Variants in ATP9A observed in about 807,000 individuals in gnomAD.
ATP9A encodes ATPase phospholipid transporting 9A.
In ATP9A, 52 loss-of-function variants were observed where a neutral mutation model predicts 144.1. That is an observed-to-expected ratio of 0.36 (90% CI 0.29 to 0.45). The LOEUF is 0.45. Among genes scored for constraint, ATP9A ranks in the 20% least tolerant of loss-of-function variants. The pLI is 1.00. For synonymous variants in ATP9A, 582 were observed against 557.4 expected, an observed-to-expected ratio of 1.04 and a Z score of -0.62; for missense variants, 947 against 1,392.7, an observed-to-expected ratio of 0.68 and a Z score of 5.09.
chr20:51,757,910 A>T (rs2077863476), intron 1 of ATP9A, among the ~76,000 whole-genome samples: 1 of 152,130 alleles, frequency 6.6e-6, no homozygotes, highest in Non-Finnish European at 1.5e-5. Context: ...TCAAAAAAAA[A>T]AAAAGGTTTT....
intron 4 of ATP9A, among the ~76,000 whole-genome samples, chr20:51,699,816 T>C (rs2077586029): frequency 6.6e-6 from 1 of 151,890 alleles, no homozygotes; most frequent in African/African-American, 2.4e-5. Context: ...CTAATTTTTG[T>C]AGTTTTAGTA....
intron 4 of ATP9A, among the ~76,000 whole-genome samples, chr20:51,699,530 C>T (rs575907504): frequency 1.4e-4 from 21 of 152,214 alleles, no homozygotes; most frequent in Non-Finnish European, 2.6e-4. Flanking sequence ...TCTCTTTAAT[C>T]GGTTCCATAA....
At chr20:51,742,452 G>A (rs1157885440) in intron 1 of ATP9A, among the ~76,000 whole-genome samples, 4 of 152,084 alleles carry the variant, frequency 2.6e-5, no homozygotes, top group African/African-American at 9.7e-5. Flanking sequence ...CACTCCAGCT[G>A]GCTGCTGCAG....
chr20:51,602,787 A>G (rs779191003), intron 27 of ATP9A, among the ~76,000 whole-genome samples: 2 of 152,140 alleles, frequency 1.3e-5, no homozygotes, highest in African/African-American at 4.8e-5. Context: ...CCCCTTAAGG[A>G]ACATTTTTAG....
At chr20:51,663,051 C>T (rs1189900018) in intron 13 of ATP9A, among the ~76,000 whole-genome samples, 1 of 151,974 alleles carries the variant, frequency 6.6e-6, no homozygotes, top group African/African-American at 2.4e-5. Flanking sequence ...GCCTGGGCAA[C>T]AAGATCGAAA....
intron 2 of ATP9A, among the ~76,000 whole-genome samples, chr20:51,728,094 T>C (rs73911383): frequency 0.015 from 2,335 of 152,126 alleles, 55 homozygotes; most frequent in African/African-American, 0.051. Flanking sequence ...CAATAGGTAA[T>C]GAATGGACGT....
intron 3 of ATP9A, among the ~76,000 whole-genome samples, chr20:51,715,321 T>G (rs972100448): frequency 6.6e-6 from 1 of 152,162 alleles, no homozygotes; most frequent in African/African-American, 2.4e-5. Flanking sequence ...AAGAAACTGG[T>G]ACATTTCAGA....
chr20:51,617,070 T>A (rs2064443970), intron 22 of ATP9A, among the ~76,000 whole-genome samples: 2 of 151,562 alleles, frequency 1.3e-5, no homozygotes, highest in African/African-American at 4.8e-5. Context: ...GCCTCCCAAG[T>A]AGCTGTGATT....
chr20:51,665,530 C>A (rs929519210), intron 13 of ATP9A, among the ~76,000 whole-genome samples: 7 of 151,904 alleles, frequency 4.6e-5, no homozygotes, highest in Admixed American at 3.9e-4. Flanking sequence ...GCCAGCCTGG[C>A]CAACATGGTG....
intron 18 of ATP9A, among the ~76,000 whole-genome samples, chr20:51,623,096 G>A (rs1400184356): frequency 2.0e-5 from 3 of 152,176 alleles, no homozygotes; most frequent in East Asian, 3.9e-4. Flanking sequence ...GCAGTGAGAC[G>A]GGCAGAAGGA....
At chr20:51,718,247 T>C (rs1045757517) in intron 3 of ATP9A, among the ~76,000 whole-genome samples, 1 of 151,910 alleles carries the variant, frequency 6.6e-6, no homozygotes, top group African/African-American at 2.4e-5. Context: ...TTATGTAAGG[T>C]AAGTTATAGT....
intron 3 of ATP9A, among the ~76,000 whole-genome samples, chr20:51,723,950 C>T (rs896779646): frequency 3.3e-5 from 5 of 152,128 alleles, no homozygotes; most frequent in African/African-American, 1.2e-4. Context: ...GTGGGTGGAT[C>T]GCCTGAGGTC....
At chr20:51,710,361 C>T (rs1798119171) in intron 4 of ATP9A, among the ~76,000 whole-genome samples, 1 of 152,138 alleles carries the variant, frequency 6.6e-6, no homozygotes, top group African/African-American at 2.4e-5. Flanking sequence ...TGAATATACT[C>T]ATACATACTT....
chr20:51,631,210 C>T (rs6021332), intron 15 of ATP9A, among the ~76,000 whole-genome samples: 45,459 of 151,976 alleles, frequency 0.3, 7,092 homozygotes, highest in Non-Finnish European at 0.34. Flanking sequence ...CTTTCAAATG[C>T]CCCTTAATCA....
chr20:51,703,930 A>C (rs1281095114), intron 4 of ATP9A, among the ~76,000 whole-genome samples: 1 of 152,066 alleles, frequency 6.6e-6, no homozygotes, highest in Non-Finnish European at 1.5e-5. Flanking sequence ...CTCACACTCT[A>C]ATCTAACTGT....
chr20:51,639,587 G>T, intron 14 of ATP9A, 83 bp from the exon 15 acceptor site: 1 of 1,409,048 alleles, frequency 7.1e-7, no homozygotes, highest in African/African-American at 1.4e-5. Flanking sequence ...AAAGGCAGAA[G>T]GGGGCTCAGA....
intron 25 of ATP9A, 38 bp downstream of exon 25, chr20:51,608,480 A>G: frequency 7.6e-7 from 1 of 1,319,424 alleles, no homozygotes; most frequent in Non-Finnish European, 1.1e-6. Context: ...AAAGCAAAGG[A>G]GGAAAGGAGG....
chr20:51,624,981 G>A (rs2077241765), intron 18 of ATP9A, among the ~76,000 whole-genome samples: 1 of 148,136 alleles, frequency 6.8e-6, no homozygotes, highest in South Asian at 2.2e-4. Flanking sequence ...CTCCAGCCTG[G>A]GCGACACAGC....
intron 9 of ATP9A, among the ~76,000 whole-genome samples, 166 bp downstream of exon 9, chr20:51,688,898 G>A (rs777186779): frequency 5.3e-5 from 8 of 152,202 alleles, no homozygotes; most frequent in East Asian, 1.9e-4. Flanking sequence ...CTAAGTGTCC[G>A]AGCTGCAATT....
Sources: gnomAD v4.1 joint callset for allele counts (sites outside exome capture counted in the v4.1 genomes callset) on GRCh38, gnomAD v4.1.1 for gene constraint, MANE v1.5 for transcripts, NCBI Gene and HGNC (gene_info 2026-07-23, HGNC 2026-07-21) for gene names.